Variants in TRPC1 observed in about 807,000 individuals in gnomAD.
TRPC1 encodes the protein short transient receptor potential channel 1.
In TRPC1, 42 loss-of-function variants were observed where a neutral mutation model predicts 88.2. The observed-to-expected ratio is 0.48, with a 90% CI of 0.37 to 0.62. The LOEUF is 0.62. Among genes scored for constraint, TRPC1 ranks in the 20% least tolerant of loss-of-function variants. TRPC1 has a pLI of 0.00. For synonymous variants in TRPC1, 288 were observed against 331.8 expected (o/e 0.87, Z 1.43); for missense variants, 699 against 957.3 (o/e 0.73, Z 3.56).
intron 1 of TRPC1, among the ~76,000 whole-genome samples, chr3:142,732,879 T>A (rs1933977634): frequency 1.3e-5 from 2 of 152,238 alleles, no homozygotes; most frequent in South Asian, 4.1e-4. Flanking sequence ...TAATCCTTGT[T>A]CTATAACTAG....
At chr3:142,728,444 G>C (rs73230583) in intron 1 of TRPC1, among the ~76,000 whole-genome samples, 16,129 of 151,264 alleles carry the variant, frequency 0.11, 1,020 homozygotes, top group Non-Finnish European at 0.15. Context: ...TCAGCCTCCT[G>C]AGTGGCTGGG....
At chr3:142,795,197 A>G (rs1439524825) in intron 9 of TRPC1, among the ~76,000 whole-genome samples, 1 of 152,092 alleles carries the variant, frequency 6.6e-6, no homozygotes, top group Non-Finnish European at 1.5e-5. Flanking sequence ...TTAAAAATGA[A>G]AAGAGTATCT....
chr3:142,771,550 A>G lies in TRPC1; in HGVS notation c.633-6082A>G, dbSNP rs185752521. 2.3e-4 allele frequency among the ~76,000 whole-genome samples: 35 copies of G among 152,286 alleles called. No individual in the cohort carries two copies. The East Asian group carries it at 6.2e-3, about 27-fold the overall frequency. On this transcript the variant is annotated intron_variant, in intron 4 of 12. Transcript: ENST00000476941. ...TATACATCTGTATTTCCTTTCTCGT[A>G]ATGATATTTTTGTTATACATATTCT...
rs1050929139 is a variant in TRPC1 at position 142,804,342 on chromosome 3, T to C, written c.1960-94T>C. ...AAGTAATGTATAATAATTGCAAATG[T>C]TGAACAAAATTTTTCTGCAAGGTGT... is the stretch of plus-strand genomic sequence containing the variant. On this transcript the variant is annotated intron_variant, in intron 11 of 12. Coordinates refer to ENST00000476941, the MANE Select transcript of TRPC1 (RefSeq NM_001251845.2). The C allele has an allele frequency of 9.6e-6, 12 of 1,246,278 alleles. 1 individual carries two copies. In the East Asian group the frequency reaches 1.5e-4, roughly 16 times the overall value. The allele number at this position is 1,246,278 out of a possible 1,614,324, so 77.2% of individuals were successfully genotyped here. A position where few individuals can be genotyped will look rare whatever the true frequency, so the allele number is the denominator to read the frequency against.
At chr3:142,774,741 T>C (rs1935699916) in intron 4 of TRPC1, among the ~76,000 whole-genome samples, 1 of 152,194 alleles carries the variant, frequency 6.6e-6, no homozygotes, top group Non-Finnish European at 1.5e-5. Context: ...GGGGAATTAC[T>C]GACCTCTTCA....
chr3:142,790,142 A>G (rs1221011102), intron 7 of TRPC1, among the ~76,000 whole-genome samples: 1 of 152,092 alleles, frequency 6.6e-6, no homozygotes, highest in Non-Finnish European at 1.5e-5. Context: ...TAGTTAGTCA[A>G]ATGGATCTCT....
chr3:142,734,646 A>G (rs1934052096), intron 1 of TRPC1, among the ~76,000 whole-genome samples: 1 of 152,156 alleles, frequency 6.6e-6, no homozygotes, highest in East Asian at 1.9e-4. Context: ...CCTTAGATTT[A>G]GAAAGCCTAG....
rs145215045 is a variant in TRPC1, at chr3:142,794,143, A to G, written c.1581+1176A>G. The stretch of plus-strand genomic sequence containing the variant: ...AAGTCTCTGTATTTTTCCAAAACAC[A>G]GTAAGCCATAGAAACACTGGCTTAA... On this transcript the variant is annotated intron_variant, in intron 9 of 12. Coordinates refer to ENST00000476941, the MANE Select transcript of TRPC1 (RefSeq NM_001251845.2). Among the ~76,000 whole-genome samples, 1,424 of 152,258 alleles carry G rather than the reference A, an allele frequency of 9.4e-3. 29 individuals carry two copies. Among genetic ancestry groups the G allele is most frequent in the African/African-American group, 0.033 (1,361 of 41,558 alleles).
At chr3:142,747,998 T>TC (rs1934621125) in intron 3 of TRPC1, among the ~76,000 whole-genome samples, 1 of 152,168 alleles carries the variant, frequency 6.6e-6, no homozygotes, top group Non-Finnish European at 1.5e-5. Context: ...TCTCACTTCT[T>TC]TGTTGGAAAA....
At chr3:142,762,927 C>T (rs1485352029) in intron 4 of TRPC1, among the ~76,000 whole-genome samples, 1 of 152,050 alleles carries the variant, frequency 6.6e-6, no homozygotes, top group Admixed American at 6.6e-5. Flanking sequence ...TCTTCATTGA[C>T]CCATTGGTGA....
In TRPC1 at chr3:142,802,852, G is replaced by A. The variant is rs372281965; in HGVS notation, c.1757+508G>A. ...TTTTGAGGTAAACAAAATTCCTCCC[G>A]TCATTTTTAAATAAAACAATGGAGA... is the stretch of plus-strand genomic sequence containing the variant. On this transcript the variant is annotated intron_variant, in intron 10 of 12. Coordinates refer to ENST00000476941, the MANE Select transcript of TRPC1 (RefSeq NM_001251845.2). Among the ~76,000 whole-genome samples the A allele has an allele frequency of 1.4e-4, 21 of 152,168 alleles. No individual in the cohort carries two copies. In the East Asian group the frequency reaches 1.9e-3, roughly 14 times the overall value.
At chr3:142,733,038 A>T (rs1291729847) in intron 1 of TRPC1, among the ~76,000 whole-genome samples, 1 of 152,088 alleles carries the variant, frequency 6.6e-6, no homozygotes, top group African/African-American at 2.4e-5. Flanking sequence ...ATGCTTAGCA[A>T]CCACTCTAGG....
intron 4 of TRPC1, among the ~76,000 whole-genome samples, chr3:142,766,663 G>A (rs1935401537): frequency 6.6e-6 from 1 of 151,954 alleles, no homozygotes; most frequent in Non-Finnish European, 1.5e-5. Flanking sequence ...TTACAGGTGT[G>A]AGCTACCATG....
In TRPC1 at chr3:142,724,779, C is replaced by G. The variant is rs757541044; in HGVS notation, c.172+48C>G. On this transcript the variant is annotated intron_variant, in intron 1 of 12. Transcript: ENST00000476941. The surrounding 1 kb of genome is among the most constrained non-coding windows in gnomAD (Gnocchi z 5.6). ...CTCTGGACGCCCCTGTCCTCCAGAC[C>G]TTTAGTCCTCTCCCCCGCCTCAACT... 6.8e-6 allele frequency: 10 copies of G among 1,467,300 alleles called. No individual in the cohort carries two copies. The Admixed American group carries it at 2.3e-4, about 33-fold the overall frequency. The allele number at this position is 1,467,300 out of a possible 1,614,324, so 90.9% of individuals were successfully genotyped here.
rs1384873002 is a variant in TRPC1 at position 142,776,447 on chromosome 3, T to A, written c.633-1185T>A. On this transcript the variant is annotated intron_variant, in intron 4 of 12. Transcript: ENST00000476941. The surrounding 1 kb of genome is among the most constrained non-coding windows in gnomAD (Gnocchi z 4.1). ...CAAATTTTTCTGGTTTGTTTTCTAT[T>A]TAGGTATGGAAATTTGAATATTAAT... 6.6e-6 allele frequency among the ~76,000 whole-genome samples: 1 copy of A among 152,144 alleles called. No homozygotes were observed. The highest frequency in any genetic ancestry group is 1.9e-4 in the East Asian group (1 of 5,194).
chr3:142,729,079 A>G (rs780129478), intron 1 of TRPC1, among the ~76,000 whole-genome samples: 1 of 152,254 alleles, frequency 6.6e-6, no homozygotes, highest in Non-Finnish European at 1.5e-5. Flanking sequence ...AAGTTTTACA[A>G]TGTAATAGTT....
At chr3:142,742,406 A>G (rs894376034) in intron 2 of TRPC1, among the ~76,000 whole-genome samples, 1 of 152,128 alleles carries the variant, frequency 6.6e-6, no homozygotes, top group African/African-American at 2.4e-5. Context: ...GTGGGAAAAC[A>G]TAGGTGATTC....
chr3:142,759,311 G>A (rs1292970694), intron 4 of TRPC1, among the ~76,000 whole-genome samples: 5 of 152,074 alleles, frequency 3.3e-5, no homozygotes. Context: ...AAGTATTCCT[G>A]TTTCTCTACA....
intron 9 of TRPC1, among the ~76,000 whole-genome samples, chr3:142,796,197 T>C (rs76275252): frequency 0.031 from 4,699 of 152,208 alleles, 259 homozygotes; most frequent in African/African-American, 0.11. Context: ...AGAACTGGGA[T>C]TCCGCCTAGG....
Sources: allele counts gnomAD v4.1 joint callset (sites outside exome capture counted in the v4.1 genomes callset), GRCh38; gene constraint gnomAD v4.1.1; non-coding constraint Gnocchi (gnomAD v3.1); transcripts MANE v1.5; gene names NCBI Gene and HGNC (gene_info 2026-07-23, HGNC 2026-07-21).